The following CBX5 variants were observed in gnomAD, a reference collection of about 807,000 sequenced individuals.
CBX5 encodes the protein chromobox 5.
CBX5 carries 7 observed loss-of-function variants against 20.7 expected under a neutral mutation model. That is an observed-to-expected ratio of 0.34 (90% confidence interval 0.19 to 0.63). CBX5 has a LOEUF of 0.63. Ranked by LOEUF, CBX5 falls within the 30% of genes least tolerant of loss-of-function variation. The probability of loss-of-function intolerance (pLI) is 0.75; values close to 1 mark genes in which losing one functional copy is unlikely to be tolerated. For synonymous variants in CBX5, 78 were observed against 77.0 expected (o/e 1.01, Z -0.07); for missense variants, 110 against 224.1 (o/e 0.49, Z 3.25).
At chr12:54,256,625 C>G (rs977150207) in intron 2 of CBX5, among the ~76,000 whole-genome samples, 24 of 152,190 alleles carry the variant, frequency 1.6e-4, no homozygotes, top group Admixed American at 8.5e-4. Context: ...TGGAGATGCA[C>G]TATAAAGTAT....
At chr12:54,277,884 G>C (rs995581740) in intron 1 of CBX5, among the ~76,000 whole-genome samples, 1 of 152,092 alleles carries the variant, frequency 6.6e-6, no homozygotes, top group African/African-American at 2.4e-5. Context: ...TGCCCAGACT[G>C]GAGTGCAGTG....
At position 54,246,205 on chromosome 12, in the gene CBX5, T is replaced by C; in HGVS notation, c.335A>G (p.Asp112Gly). ...KSKKKREQSN[D>G]IARGFERGLE... ...TCCTCTCTCAAAGCCCCGAGCGATATCATTGCTCTGCTATAAATAGAAGAT... is the reference window on the plus strand; with the variant it reads ...TCCTCTCTCAAAGCCCCGAGCGATACCATTGCTCTGCTATAAATAGAAGAT... The change falls in exon 4 of 5, where the codon GAT (aspartate) becomes GGT (glycine). Residue 112 changes from aspartate to glycine, a missense_variant. Asp to Gly is a moderately conservative substitution (Grantham distance 94). Around this residue, in one of 3 missense-constraint regions of CBX5, gnomAD observed 21 missense variants for 18.6 expected, o/e 1.13. Transcript: ENST00000209875. 1 of 1,609,086 alleles carries C rather than the reference T, an allele frequency of 6.2e-7. No individual in the cohort carries two copies. Among genetic ancestry groups the C allele is most frequent in the Non-Finnish European group, 8.5e-7 (1 of 1,175,498 alleles).
chr12:54,246,270 C>T (rs1349451601), intron 3 of CBX5, 55 bp from the exon 4 acceptor site: 1 of 1,297,486 alleles, frequency 7.7e-7, no homozygotes, highest in South Asian at 1.2e-5. Context: ...AAAGAAACTC[C>T]CTGCTTCTAG....
intron 1 of CBX5, 45 bp from the exon 2 acceptor site, chr12:54,257,737 T>C (rs1943876132): frequency 1.3e-6 from 2 of 1,494,810 alleles, no homozygotes; most frequent in Admixed American, 1.9e-5. Flanking sequence ...TGTGAGGAGT[T>C]AAAAACTTTG....
At chr12:54,247,051 T>C (rs1943744649) in intron 3 of CBX5, among the ~76,000 whole-genome samples, 1 of 152,110 alleles carries the variant, frequency 6.6e-6, no homozygotes, top group South Asian at 2.1e-4. Flanking sequence ...TCACCTGTGT[T>C]TATGGAAGAA....
Position 54,252,077 on chromosome 12 carries a change from G to T in CBX5, c.288C>A (p.Asn96Lys). The T allele has an allele frequency of 6.2e-7, 1 of 1,610,962 alleles. No individual in the cohort carries two copies. Among genetic ancestry groups the T allele is most frequent in the Non-Finnish European group, 8.5e-7 (1 of 1,178,940 alleles). The change falls in exon 3 of 5, where the codon AAC becomes AAA. Residue 96 changes from asparagine (N) to lysine (K), a missense_variant. By Grantham distance (94) the Asn-to-Lys change is moderately conservative (BLOSUM62 0). This residue lies in a region of CBX5 where 58 missense variants were observed against 120.6 expected (regional missense o/e 0.48). Coordinates refer to ENST00000209875, the MANE Select transcript of CBX5 (RefSeq NM_012117.3). ...TTTTAGATTTGATGTCATCGGCACT[G>T]TTTGAGAAATTGGATTTCCTCTTGT... ...ESNKRKSNFS[N>K]SADDIKSKKK...
chr12:54,264,060 T>C (rs1422328403), intron 1 of CBX5, among the ~76,000 whole-genome samples: 4 of 152,114 alleles, frequency 2.6e-5, no homozygotes, highest in East Asian at 1.9e-4. Flanking sequence ...AAAGAGGTAA[T>C]GGTTAGCCCT....
At position 54,246,180 on chromosome 12, in the gene CBX5, T is replaced by C. The variant is rs1943733680; in HGVS notation, c.360A>G (p.Gly120=). Residue 120 remains glycine, a synonymous_variant, in exon 4 of 5, where the codon GGA becomes GGG. Coordinates refer to ENST00000209875, the MANE Select transcript of CBX5 (RefSeq NM_012117.3). ...SNDIARGFER[G]LEPEKIIGAT... is the part of the protein sequence containing the mutation. ...CCCCAATGATCTTTTCTGGTTCCAG[T>C]CCTCTCTCAAAGCCCCGAGCGATAT... 2 of 1,613,596 alleles carry C rather than the reference T, an allele frequency of 1.2e-6. No individual in the cohort carries two copies. The highest frequency in any genetic ancestry group is 3.3e-5 in the Admixed American group (2 of 59,986).
chr12:54,276,471 A>T lies in CBX5; in HGVS notation c.-43+3537T>A, dbSNP rs185931008. Reference sequence around the variant, plus strand: ...AGTGAAAAACAGAATGGTTATGTGGATACTTGAAATATGGTTTCTACTGAA... The same window carrying T: ...AGTGAAAAACAGAATGGTTATGTGGTTACTTGAAATATGGTTTCTACTGAA... On this transcript the variant is annotated intron_variant, in intron 1 of 4. Coordinates refer to ENST00000209875, the MANE Select transcript of CBX5 (RefSeq NM_012117.3). 1.8e-4 allele frequency among the ~76,000 whole-genome samples: 27 copies of T among 152,352 alleles called. No homozygotes were observed. The East Asian group carries it at 5.0e-3, about 28-fold the overall frequency.
chr12:54,271,955 T>C (rs1039427950), intron 1 of CBX5: 3 of 152,238 alleles, frequency 2.0e-5, no homozygotes, highest in African/African-American at 4.8e-5. Context: ...GCATAATTTA[T>C]TGTTGTGAAA....
intron 3 of CBX5, among the ~76,000 whole-genome samples, chr12:54,247,291 T>G (rs531012605): frequency 1.5e-4 from 23 of 152,052 alleles, no homozygotes; most frequent in African/African-American, 5.3e-4. Context: ...GACTCATGCC[T>G]GTAATCCCAG....
intron 3 of CBX5, among the ~76,000 whole-genome samples, chr12:54,250,996 T>C (rs1025108610): frequency 2.7e-5 from 4 of 150,818 alleles, no homozygotes; most frequent in African/African-American, 4.9e-5. Context: ...CTGGGCATGG[T>C]GGCGTGTGCC....
intron 2 of CBX5, among the ~76,000 whole-genome samples, chr12:54,256,144 T>TA (rs1261824090): frequency 3.9e-5 from 6 of 152,206 alleles, no homozygotes; most frequent in African/African-American, 1.4e-4. Context: ...GAGTTTCAAG[T>TA]ATCTTTCAAA....
intron 2 of CBX5, among the ~76,000 whole-genome samples, chr12:54,254,767 C>T (rs913181267): frequency 2.0e-5 from 3 of 151,740 alleles, no homozygotes; most frequent in Non-Finnish European, 2.9e-5. Context: ...GCAGGAGAAT[C>T]GTTTGAACCC....
intron 1 of CBX5, among the ~76,000 whole-genome samples, chr12:54,279,559 G>A (rs986693825): frequency 6.6e-6 from 1 of 152,158 alleles, no homozygotes; most frequent in Non-Finnish European, 1.5e-5. Context: ...ACTGGTCCCA[G>A]CGCTTTCCTT....
At chr12:54,272,501 A>T (rs1022559083) in intron 1 of CBX5, 1 of 152,246 alleles carries the variant, frequency 6.6e-6, no homozygotes, top group Non-Finnish European at 1.5e-5. Flanking sequence ...TGGAAAGAAA[A>T]TTCAGGCTAC....
In CBX5 at chr12:54,257,498, GA is replaced by G. The variant is rs2137021619; in HGVS notation, c.137+15del. 1 of 1,613,736 alleles carries G rather than the reference GA, an allele frequency of 6.2e-7. No individual in the cohort carries two copies. ...CTCTACAGAGTCCCAACGCCTGGGG[GA>G]AAAAAGGAACTTACTCAGAAAAGCC... On this transcript the variant is annotated intron_variant, in intron 2 of 4. Transcript: ENST00000209875.
At chr12:54,250,840 A>AAAG (rs1943791784) in intron 3 of CBX5, among the ~76,000 whole-genome samples, 1 of 135,452 alleles carries the variant, frequency 7.4e-6, no homozygotes, top group Non-Finnish European at 1.6e-5. Flanking sequence ...AAAAAAAAAA[A>AAAG]AAAAGAAAGG....
chr12:54,258,402 T>C (rs1432986733), intron 1 of CBX5: 1 of 152,170 alleles, frequency 6.6e-6, no homozygotes, highest in Non-Finnish European at 1.5e-5. Flanking sequence ...GTCACTAGAT[T>C]ATTCAGTAAT....
Sources: gnomAD v4.1 joint callset for allele counts (sites outside exome capture counted in the v4.1 genomes callset) on GRCh38, gnomAD v4.1.1 for gene constraint, gnomAD v4.1.1 regional missense constraint, MANE v1.5 for transcripts, NCBI Gene and HGNC (gene_info 2026-07-23, HGNC 2026-07-21) for gene names.